EYS: variants seen among roughly 807,000 people sequenced by gnomAD.
The protein encoded by EYS is protein eyes shut homolog.
EYS carries 250 observed loss-of-function variants against 282.1 expected under a neutral mutation model. That is an observed-to-expected ratio of 0.89 (90% CI 0.80 to 0.98). The LOEUF (loss-of-function observed/expected upper bound fraction) is 0.98. Among genes scored for constraint, EYS ranks in the 50% least tolerant of loss-of-function variants. The pLI, the probability that EYS is intolerant of heterozygous loss-of-function variation, is 0.00. For synonymous variants in EYS, 1,355 were observed against 1,282.9 expected (o/e 1.06, Z -1.20); for missense variants, 4,016 against 3,709.0 (o/e 1.08, Z -2.15).
intron 31 of EYS, among the ~76,000 whole-genome samples, chr6:64,182,775 A>T (rs550623758): frequency 5.2e-4 from 79 of 151,528 alleles, no homozygotes; most frequent in African/African-American, 1.9e-3. Context: ...CTTTCTACTC[A>T]CTCTGCTCCT....
At chr6:63,868,905 C>G (rs376191066) in intron 35 of EYS, among the ~76,000 whole-genome samples, 1 of 152,138 alleles carries the variant, frequency 6.6e-6, no homozygotes, top group South Asian at 2.1e-4. Flanking sequence ...GTTTCTAGGA[C>G]AGAACTGCCT....
chr6:63,839,578 G>C (rs1771897386), intron 36 of EYS, among the ~76,000 whole-genome samples: 1 of 151,986 alleles, frequency 6.6e-6, no homozygotes, highest in African/African-American at 2.4e-5. Context: ...TGAACTCCTG[G>C]GCTCAAGTGA....
chr6:64,920,324 T>A (rs1768298090), intron 15 of EYS, among the ~76,000 whole-genome samples: 1 of 152,172 alleles, frequency 6.6e-6, no homozygotes, highest in South Asian at 2.1e-4. Context: ...AGAAAATGAC[T>A]AGTGTTATAA....
chr6:64,844,605 G>C (rs978727076), intron 19 of EYS, among the ~76,000 whole-genome samples: 2 of 151,854 alleles, frequency 1.3e-5, no homozygotes, highest in African/African-American at 4.8e-5. Flanking sequence ...GAATTATAAG[G>C]TTTCTTGGTT....
chr6:65,416,753 T>C (rs560555771), intron 5 of EYS, among the ~76,000 whole-genome samples: 1 of 152,092 alleles, frequency 6.6e-6, no homozygotes, highest in Admixed American at 6.6e-5. Context: ...CAAGTTCGTT[T>C]TAGTCTACTT....
intron 33 of EYS, among the ~76,000 whole-genome samples, chr6:64,059,645 A>G (rs939035284): frequency 6.6e-6 from 1 of 152,234 alleles, no homozygotes; most frequent in African/African-American, 2.4e-5. Flanking sequence ...CCAAAATAGT[A>G]CTAAAATTAC....
chr6:64,079,342 C>T (rs1409183115), intron 32 of EYS, among the ~76,000 whole-genome samples: 1 of 152,008 alleles, frequency 6.6e-6, no homozygotes. Flanking sequence ...TAAAATATAA[C>T]ATAAATTCTT....
chr6:65,679,350 T>G (rs1768738524), intron 1 of EYS, among the ~76,000 whole-genome samples: 2 of 151,964 alleles, frequency 1.3e-5, no homozygotes, highest in Admixed American at 6.6e-5. Flanking sequence ...AATAGAATAT[T>G]ATTCAGCTTT....
intron 13 of EYS, among the ~76,000 whole-genome samples, chr6:65,014,348 T>C (rs192407461): frequency 2.6e-5 from 4 of 152,154 alleles, no homozygotes; most frequent in African/African-American, 9.6e-5. Flanking sequence ...CTTGCAGAAA[T>C]TGTAAAATAA....
intron 22 of EYS, among the ~76,000 whole-genome samples, chr6:64,698,780 C>T (rs968646787): frequency 1.3e-5 from 2 of 152,068 alleles, no homozygotes; most frequent in African/African-American, 2.4e-5. Flanking sequence ...ATTAAGATAC[C>T]ATCTTACACC....
At chr6:64,188,193 C>T (rs138984409) in intron 31 of EYS, among the ~76,000 whole-genome samples, 8 of 152,186 alleles carry the variant, frequency 5.3e-5, no homozygotes, top group Non-Finnish European at 8.8e-5. Context: ...AAATTAATCT[C>T]ATCCTTTTTA....
chr6:64,298,382 T>C (rs1582557987), intron 30 of EYS, among the ~76,000 whole-genome samples: 2 of 152,286 alleles, frequency 1.3e-5, no homozygotes, highest in South Asian at 4.1e-4. Context: ...AAAGATGTTA[T>C]GTATAAAGAT....
intron 28 of EYS, among the ~76,000 whole-genome samples, chr6:64,426,458 C>A (rs1159333960): frequency 3.9e-5 from 6 of 152,072 alleles, no homozygotes; most frequent in African/African-American, 1.4e-4. Context: ...AAACTTTTGA[C>A]ATGTTGACTT....
Position 64,553,312 on chromosome 6 carries a change from T to C in EYS, c.5644+36911A>G, listed in dbSNP as rs527287362. Among the ~76,000 whole-genome samples, 5 of 152,328 alleles carry C rather than the reference T, an allele frequency of 3.3e-5. No homozygotes were observed. In the South Asian group the frequency reaches 1.0e-3, roughly 32 times the overall value. On this transcript the variant is annotated intron_variant, in intron 26 of 42. Coordinates refer to ENST00000503581, the MANE Select transcript of EYS (RefSeq NM_001142800.2). ...ATTTTAGTTTTCCTTTCATCACTTA[T>C]TAATATCTTACATCAAATTTATTTT...
At chr6:65,275,590 G>A (rs1299179011) in intron 12 of EYS, among the ~76,000 whole-genome samples, 1 of 152,162 alleles carries the variant, frequency 6.6e-6, no homozygotes, top group Non-Finnish European at 1.5e-5. Context: ...CTTAGGCCAG[G>A]TTGTTCCCTG....
chr6:64,129,064 C>A (rs1357765576), intron 31 of EYS, among the ~76,000 whole-genome samples: 2 of 152,162 alleles, frequency 1.3e-5, no homozygotes, highest in African/African-American at 4.8e-5. Flanking sequence ...TAAAACACAG[C>A]CACACCCATC....
At chr6:64,766,327 T>A (rs907684884) in intron 22 of EYS, among the ~76,000 whole-genome samples, 1 of 151,504 alleles carries the variant, frequency 6.6e-6, no homozygotes, top group African/African-American at 2.4e-5. Flanking sequence ...TTTATTTATA[T>A]TTTTTATGAA....
intron 2 of EYS, among the ~76,000 whole-genome samples, chr6:65,607,063 T>A (rs1765825427): frequency 6.6e-6 from 1 of 151,814 alleles, no homozygotes; most frequent in Non-Finnish European, 1.5e-5. Context: ...TCTCAGCAAA[T>A]ATGCTTAATT....
At position 64,498,589 on chromosome 6, in the gene EYS, C is replaced by T. The variant is rs1290083634; in HGVS notation, c.5645-59237G>A. On this transcript the variant is annotated intron_variant, in intron 26 of 42. Transcript: ENST00000503581. ...TCATCTAGGTTTTAGGCCCCACATGCGTTAGGTATTTGCCCTAATGCCCTC... is the reference window on the plus strand; with the variant it reads ...TCATCTAGGTTTTAGGCCCCACATGTGTTAGGTATTTGCCCTAATGCCCTC... Among the ~76,000 whole-genome samples, 5 of 152,090 alleles carry T rather than the reference C, an allele frequency of 3.3e-5. No homozygotes were observed. In the East Asian group the frequency reaches 9.7e-4, roughly 30 times the overall value.
Sources: gnomAD v4.1 joint callset for allele counts (sites outside exome capture counted in the v4.1 genomes callset) on GRCh38, gnomAD v4.1.1 for gene constraint, MANE v1.5 for transcripts, NCBI Gene and HGNC (gene_info 2026-07-23, HGNC 2026-07-21) for gene names.